MTREX: variants seen among roughly 807,000 people sequenced by gnomAD.
MTREX encodes Mtr4 exosome RNA helicase, also known as exosome RNA helicase MTR4.
In MTREX, 76 loss-of-function variants were observed where a neutral mutation model predicts 135.4. The ratio of observed to expected loss-of-function variants is 0.56; its 90% CI spans 0.47 to 0.68. The LOEUF (loss-of-function observed/expected upper bound fraction) is 0.68, where lower values mean the gene tolerates loss of function less well. Among genes scored for constraint, MTREX ranks in the 30% least tolerant of loss-of-function variants. The probability of loss-of-function intolerance (pLI) is 0.00; values close to 1 mark genes in which losing one functional copy is unlikely to be tolerated. For missense variants in MTREX, 920 were observed against 1,262.1 expected, an observed-to-expected ratio of 0.73 and a Z score of 4.11; for synonymous variants, 404 against 401.6, an observed-to-expected ratio of 1.01 and a Z score of -0.07.
intron 25 of MTREX, among the ~76,000 whole-genome samples, chr5:55,420,609 A>T (rs1277732701): frequency 1.3e-5 from 2 of 152,216 alleles, no homozygotes; most frequent in South Asian, 4.1e-4. Context: ...GAAGGCAGAC[A>T]CAAAGGCCAC....
chr5:55,380,798 T>C (rs1387132825), intron 18 of MTREX, among the ~76,000 whole-genome samples: 3 of 152,202 alleles, frequency 2.0e-5, no homozygotes, highest in African/African-American at 7.2e-5. Flanking sequence ...GGGTTTGGTA[T>C]TAGGGTAATG....
At chr5:55,321,021 A>G (rs920698458) in intron 1 of MTREX, among the ~76,000 whole-genome samples, 2 of 152,218 alleles carry the variant, frequency 1.3e-5, no homozygotes, top group African/African-American at 2.4e-5. Context: ...TATAAAAACT[A>G]TGCCATTCTC....
At chr5:55,341,482 A>G (rs1340024630) in intron 6 of MTREX, among the ~76,000 whole-genome samples, 199 bp from the exon 7 acceptor site, 1 of 152,150 alleles carries the variant, frequency 6.6e-6, no homozygotes, top group Non-Finnish European at 1.5e-5. Context: ...TATACAATAT[A>G]ATATACAACA....
chr5:55,311,993 A>G (rs1435139327), intron 1 of MTREX, among the ~76,000 whole-genome samples: 1 of 152,148 alleles, frequency 6.6e-6, no homozygotes, highest in African/African-American at 2.4e-5. Flanking sequence ...ATTTCATTAC[A>G]TCATAATGTC....
At chr5:55,330,437 CTT>C (rs1021580652) in intron 5 of MTREX, among the ~76,000 whole-genome samples, 2 of 152,060 alleles carry the variant, frequency 1.3e-5, no homozygotes, top group African/African-American at 4.8e-5. Context: ...CTCCGTGTCT[CTT>C]AACTTTTTTT....
intron 5 of MTREX, among the ~76,000 whole-genome samples, chr5:55,334,445 A>G (rs1042387020): frequency 9.2e-5 from 14 of 152,214 alleles, no homozygotes; most frequent in Admixed American, 2.0e-4. Flanking sequence ...GTAAACTCCT[A>G]CTTCACCTGT....
At chr5:55,420,162 T>C (rs1751031010) in intron 25 of MTREX, among the ~76,000 whole-genome samples, 1 of 152,178 alleles carries the variant, frequency 6.6e-6, no homozygotes, top group African/African-American at 2.4e-5. Flanking sequence ...AAGCTGGGGT[T>C]TAGCGGCAAG....
At position 55,340,210 on chromosome 5, in the gene MTREX, C is replaced by T. The variant is rs189132539; in HGVS notation, c.690+26C>T. 7 of 1,474,188 alleles carry T rather than the reference C, an allele frequency of 4.7e-6. No homozygotes were observed. In the Admixed American group the frequency reaches 1.7e-4, roughly 36 times the overall value. The allele number at this position is 1,474,188 out of a possible 1,614,324, so 91.3% of individuals were successfully genotyped here. A position where few individuals can be genotyped will look rare whatever the true frequency, so the allele number is the denominator to read the frequency against. On this transcript the variant is annotated intron_variant, in intron 6 of 26. Coordinates refer to ENST00000230640, the MANE Select transcript of MTREX (RefSeq NM_015360.5). ...GTAATTCATGTAGTGCCTCATCTGA[C>T]TTTTCGTTTTTAATTAAATTAATGT...
chr5:55,398,129 TCAGGAGGCCAAGG>T (rs1177102550), intron 20 of MTREX, among the ~76,000 whole-genome samples: 2 of 151,990 alleles, frequency 1.3e-5, no homozygotes, highest in African/African-American at 4.8e-5. Flanking sequence ...TCCCAGTTAC[TCAGGAGGCCAAGG>T]CAGGAGGTTC....
At chr5:55,385,198 G>A (rs1411839608) in intron 18 of MTREX, among the ~76,000 whole-genome samples, 1 of 152,166 alleles carries the variant, frequency 6.6e-6, no homozygotes, top group African/African-American at 2.4e-5. Flanking sequence ...CACTGCTTTA[G>A]AAGCAGGGGC....
At chr5:55,351,156 G>A (rs1051565475) in intron 13 of MTREX, 127 bp downstream of exon 13, 1 of 1,145,636 alleles carries the variant, frequency 8.7e-7, no homozygotes, top group African/African-American at 1.6e-5. Context: ...CTTAAATAAT[G>A]AACTTAATTT....
intron 8 of MTREX, among the ~76,000 whole-genome samples, chr5:55,343,798 C>G (rs1749689178): frequency 6.6e-6 from 1 of 152,052 alleles, no homozygotes; most frequent in Admixed American, 6.6e-5. Context: ...CAGAATTTCC[C>G]CTAATGCCTT....
At chr5:55,314,651 G>A (rs1749168702) in intron 1 of MTREX, among the ~76,000 whole-genome samples, 1 of 152,170 alleles carries the variant, frequency 6.6e-6, no homozygotes, top group African/African-American at 2.4e-5. Flanking sequence ...TTTTGGTCTT[G>A]TAAGACCTAT....
At chr5:55,327,555 C>G (rs1749402888) in intron 3 of MTREX, 161 bp from the exon 4 acceptor site, 3 of 571,696 alleles carry the variant, frequency 5.2e-6, no homozygotes, top group South Asian at 4.8e-5. Context: ...TTGCCTTGTT[C>G]TTAAAGACAG....
chr5:55,350,444 G>A (rs1749807549), intron 12 of MTREX, among the ~76,000 whole-genome samples: 1 of 152,182 alleles, frequency 6.6e-6, no homozygotes, highest in African/African-American at 2.4e-5. Flanking sequence ...CTTTGTTATA[G>A]CGCACTTCTA....
rs1412830317 is a variant in MTREX at position 55,378,500 on chromosome 5, T to C, written c.1983+14T>C. ...CGTTTGGTAAAGGTATGTCATTGTT[T>C]CTTCATAAAATACTTGAATAATTCA... On this transcript the variant is annotated intron_variant, in intron 17 of 26. Coordinates refer to ENST00000230640, the MANE Select transcript of MTREX (RefSeq NM_015360.5). The C allele has an allele frequency of 6.3e-7, 1 of 1,590,072 alleles. No individual in the cohort carries two copies. The highest frequency in any genetic ancestry group is 1.4e-5 in the African/African-American group (1 of 73,524).
At chr5:55,408,148 C>T (rs544651299) in intron 22 of MTREX, among the ~76,000 whole-genome samples, 2 of 152,118 alleles carry the variant, frequency 1.3e-5, no homozygotes, top group African/African-American at 4.8e-5. Flanking sequence ...TATATTGTTA[C>T]TCTCCCTCTC....
intron 14 of MTREX, chr5:55,357,112 G>T: frequency 6.4e-6 from 1 of 155,780 alleles, no homozygotes; most frequent in Non-Finnish European, 1.4e-5. Flanking sequence ...GACAATGTTG[G>T]CATGACGCAC....
intron 25 of MTREX, among the ~76,000 whole-genome samples, chr5:55,416,530 G>A (rs1273705070): frequency 6.6e-6 from 1 of 152,056 alleles, no homozygotes; most frequent in Non-Finnish European, 1.5e-5. Context: ...TAATTGACTT[G>A]GCTTTAGTCA....
Sources: allele counts gnomAD v4.1 joint callset (sites outside exome capture counted in the v4.1 genomes callset), GRCh38; gene constraint gnomAD v4.1.1; transcripts MANE v1.5; gene names NCBI Gene and HGNC (gene_info 2026-07-23, HGNC 2026-07-21).